Variants in DCLK2 observed in about 807,000 individuals in gnomAD.
The protein encoded by DCLK2 is serine/threonine-protein kinase DCLK2.
A neutral mutation model predicts 78.4 loss-of-function variants in DCLK2; 31 were observed. The observed-to-expected ratio is 0.40, with a 90% CI of 0.30 to 0.53. DCLK2 has a LOEUF of 0.53. Ranked by LOEUF, DCLK2 falls within the 20% of genes least tolerant of loss-of-function variation. DCLK2 has a pLI of 0.61. For synonymous variants in DCLK2, 407 were observed against 374.9 expected (o/e 1.09, Z -0.99); for missense variants, 872 against 973.7 (o/e 0.90, Z 1.39).
chr4:150,105,445 A>G (rs1158698721), intron 2 of DCLK2, among the ~76,000 whole-genome samples: 2 of 152,164 alleles, frequency 1.3e-5, no homozygotes. Context: ...ATGTTTTAAT[A>G]TTTAAAACTG....
intron 2 of DCLK2, among the ~76,000 whole-genome samples, chr4:150,167,910 G>A (rs1190238934): frequency 6.6e-6 from 1 of 152,160 alleles, no homozygotes. Flanking sequence ...AGGTGAGCAT[G>A]CGTACAACTC....
At chr4:150,228,635 G>A (rs888071517) in intron 8 of DCLK2, among the ~76,000 whole-genome samples, 1 of 152,240 alleles carries the variant, frequency 6.6e-6, no homozygotes, top group Non-Finnish European at 1.5e-5. Context: ...CCAGCTGTGA[G>A]TGAGCAGGGG....
intron 1 of DCLK2, among the ~76,000 whole-genome samples, chr4:150,098,498 T>G (rs1283613720): frequency 6.6e-6 from 1 of 152,162 alleles, no homozygotes; most frequent in African/African-American, 2.4e-5. Context: ...TGGTCCTAGT[T>G]GAACTCTAAT....
At chr4:150,082,892 T>G (rs1729406339) in intron 1 of DCLK2, among the ~76,000 whole-genome samples, 1 of 152,148 alleles carries the variant, frequency 6.6e-6, no homozygotes, top group African/African-American at 2.4e-5. Context: ...TTTATAAAGT[T>G]TTGATGACCT....
intron 2 of DCLK2, among the ~76,000 whole-genome samples, chr4:150,118,777 C>T (rs1732296084): frequency 6.6e-6 from 1 of 152,058 alleles, no homozygotes; most frequent in Admixed American, 6.6e-5. Flanking sequence ...GGTGGGCCTC[C>T]TGGCCAGGCT....
Position 150,221,743 on chromosome 4 carries a change from T to C in DCLK2, c.1199T>C (p.Ile400Thr). The change falls in exon 7 of 16, where the codon ATT (isoleucine) becomes ACT (threonine). Residue 400 changes from isoleucine (I) to threonine (T), a missense_variant. This residue lies in a region of DCLK2 where 567 missense variants were observed against 593.4 expected (regional missense o/e 0.96). Transcript: ENST00000296550. ...LLEKYKIGKV[I>T]GDGNFAVVKE... is the part of the protein sequence containing the mutation. ...GAGAAATACAAAATTGGAAAGGTCA[T>C]TGGTGATGGCAATTTTGCAGTAGTC... The C allele has an allele frequency of 6.2e-7, 1 of 1,607,752 alleles. No homozygotes were observed. The highest frequency in any genetic ancestry group is 8.5e-7 in the Non-Finnish European group (1 of 1,177,752).
At chr4:150,199,115 G>GGTTTTT (rs763762295) in intron 4 of DCLK2, 109 of 1,576,686 alleles carry the variant, frequency 6.9e-5, no homozygotes, top group Non-Finnish European at 8.6e-5. Context: ...TGCTCTGCTG[G>GGTTTTT]GTTTTTGTTT....
At chr4:150,234,712 A>G (rs1044453274) in intron 10 of DCLK2, among the ~76,000 whole-genome samples, 9 of 151,094 alleles carry the variant, frequency 6.0e-5, no homozygotes, top group East Asian at 1.9e-4. Flanking sequence ...TTTCATTTCT[A>G]TATGTTCTTA....
chr4:150,135,895 A>G (rs1733653057), intron 2 of DCLK2, among the ~76,000 whole-genome samples: 1 of 152,230 alleles, frequency 6.6e-6, no homozygotes, highest in Admixed American at 6.5e-5. Context: ...AGCAGCTTTG[A>G]AAGTGAGATG....
chr4:150,239,993 C>G, intron 11 of DCLK2, 118 bp downstream of exon 11: 1 of 1,010,794 alleles, frequency 9.9e-7, no homozygotes, highest in Non-Finnish European at 1.4e-6. Flanking sequence ...GCTATTGCTG[C>G]TTGTGTATAC....
At chr4:150,228,183 T>C (rs1211624689) in intron 8 of DCLK2, among the ~76,000 whole-genome samples, 6 of 152,214 alleles carry the variant, frequency 3.9e-5, no homozygotes, top group African/African-American at 1.4e-4. Context: ...GGGTTATCTC[T>C]CCACTGCAGA....
At chr4:150,093,137 A>G (rs1337932451) in intron 1 of DCLK2, among the ~76,000 whole-genome samples, 1 of 152,202 alleles carries the variant, frequency 6.6e-6, no homozygotes, top group Non-Finnish European at 1.5e-5. Flanking sequence ...TACACTAATA[A>G]CAAACTAATA....
chr4:150,126,666 A>G (rs576379291), intron 2 of DCLK2, among the ~76,000 whole-genome samples: 1 of 152,358 alleles, frequency 6.6e-6, no homozygotes, highest in Admixed American at 6.5e-5. Context: ...AAAATTGCAC[A>G]AATTGTACAC....
intron 1 of DCLK2, among the ~76,000 whole-genome samples, chr4:150,085,179 AACTACTACATTCT>A (rs778654537): frequency 1.1e-4 from 16 of 152,284 alleles, no homozygotes; most frequent in African/African-American, 2.2e-4. Context: ...CTGTGTTCTT[AACTACTACATTCT>A]ACTACTACAT....
chr4:150,197,973 T>G, intron 3 of DCLK2, 29 bp from the exon 4 acceptor site: 1 of 1,583,158 alleles, frequency 6.3e-7, no homozygotes, highest in Non-Finnish European at 8.6e-7. Context: ...AAAACCAGAT[T>G]TAGTTAATGC....
intron 3 of DCLK2, 60 bp from the exon 4 acceptor site, chr4:150,197,942 A>G (rs746452050): frequency 7.3e-7 from 1 of 1,360,596 alleles, no homozygotes; most frequent in Non-Finnish European, 1.0e-6. Context: ...ATTACATGTA[A>G]CTCTGCTTTT....
chr4:150,226,621 C>CA (rs1741638661), intron 8 of DCLK2, among the ~76,000 whole-genome samples: 1 of 151,946 alleles, frequency 6.6e-6, no homozygotes. Flanking sequence ...TCTTTGTATG[C>CA]AAAAAATTTA....
At chr4:150,182,874 T>A (rs1487215323) in intron 2 of DCLK2, among the ~76,000 whole-genome samples, 1 of 152,204 alleles carries the variant, frequency 6.6e-6, no homozygotes, top group East Asian at 1.9e-4. Context: ...TTTTGTTTTT[T>A]TAACTACTCT....
intron 2 of DCLK2, among the ~76,000 whole-genome samples, chr4:150,138,865 C>T (rs1005698139): frequency 6.6e-6 from 1 of 152,026 alleles, no homozygotes; most frequent in Non-Finnish European, 1.5e-5. Context: ...AGGGTTTCAC[C>T]TTGTTAGCCA....
Sources: gnomAD v4.1 joint callset for allele counts (sites outside exome capture counted in the v4.1 genomes callset) on GRCh38, gnomAD v4.1.1 for gene constraint, gnomAD v4.1.1 regional missense constraint, MANE v1.5 for transcripts, NCBI Gene and HGNC (gene_info 2026-07-23, HGNC 2026-07-21) for gene names.